Variants in REPS1 observed in about 807,000 individuals in gnomAD.
REPS1 encodes the protein ralBP1-associated Eps domain-containing protein 1.
REPS1 carries 39 observed loss-of-function variants against 100.9 expected under a neutral mutation model. The observed-to-expected ratio is 0.39, with a 90% confidence interval of 0.30 to 0.50. The LOEUF is 0.50. REPS1 is among the 20% of genes least tolerant of loss of function. The pLI is 0.86. For synonymous variants in REPS1, 324 were observed against 340.3 expected, an observed-to-expected ratio of 0.95 and a Z score of 0.53; for missense variants, 821 against 968.5, an observed-to-expected ratio of 0.85 and a Z score of 2.02.
At chr6:138,949,645 G>C (rs1410060168) in intron 1 of REPS1, among the ~76,000 whole-genome samples, 1 of 151,944 alleles carries the variant, frequency 6.6e-6, no homozygotes, top group Non-Finnish European at 1.5e-5. Context: ...AGGATCATTT[G>C]AACTCGGGAG....
rs143173218 is a variant in REPS1, at chr6:138,907,537, G to A, written c.2280C>T (p.Thr760=). 2.9e-5 allele frequency: 46 copies of A among 1,613,170 alleles called. No individual in the cohort carries two copies. The highest frequency in any genetic ancestry group is 3.9e-5 in the Non-Finnish European group (46 of 1,179,586). The change falls in exon 19 of 20, where the codon ACC becomes ACT. Residue 760 remains threonine (T), a synonymous_variant. Transcript: ENST00000450536. ...ATTCGCTATTCAATCTGGCCAAAAC[G>A]GTGTTGGTTTCCTTATTACGTCTAA... is the stretch of plus-strand genomic sequence containing the variant. The part of the protein sequence containing the change: ...ASIRRNKETN[T]VLARLNSELQ...
At position 138,934,312 on chromosome 6, in the gene REPS1, A is replaced by G. The variant is rs1375880415; in HGVS notation, c.1136-4214T>C. 4 of 470,990 alleles carry G rather than the reference A, an allele frequency of 8.5e-6. 1 individual carries two copies. Among genetic ancestry groups the G allele is most frequent in the South Asian group, 6.2e-5 (4 of 64,550 alleles). 29.2% of individuals were successfully genotyped at this position (470,990 alleles called of 1,614,324 possible). ...TGGGTTCTGCTCTGCCCCTGACATC[A>G]TCAGAGCATCAGGGCTGAAAAAGAA... On this transcript the variant is annotated intron_variant, in intron 8 of 19. Transcript: ENST00000450536.
At chr6:138,910,967 A>T (rs1001508512) in intron 17 of REPS1, 2 of 188,160 alleles carry the variant, frequency 1.1e-5, no homozygotes, top group African/African-American at 4.7e-5. Context: ...GAGGGCTGAT[A>T]ATTTTTCTTT....
At chr6:138,927,872 T>C (rs934139796) in intron 9 of REPS1, 22 of 152,214 alleles carry the variant, frequency 1.4e-4, no homozygotes, top group African/African-American at 5.3e-4. Context: ...TCAATAATTA[T>C]TGTTACAGGG....
At chr6:138,954,882 C>T (rs569628594) in intron 1 of REPS1, among the ~76,000 whole-genome samples, 3 of 152,142 alleles carry the variant, frequency 2.0e-5, no homozygotes, top group Non-Finnish European at 4.4e-5. Context: ...CACAAGCACA[C>T]ATAATACATA....
At chr6:138,947,137 C>T (rs1276963444) in intron 2 of REPS1, among the ~76,000 whole-genome samples, 1 of 151,212 alleles carries the variant, frequency 6.6e-6, no homozygotes, top group Non-Finnish European at 1.5e-5. Flanking sequence ...TGTAGGTTTC[C>T]TGTGGCCTCC....
chr6:138,977,655 G>A (rs1232728553), intron 1 of REPS1, among the ~76,000 whole-genome samples: 1 of 152,146 alleles, frequency 6.6e-6, no homozygotes, highest in Admixed American at 6.5e-5. Context: ...ACCATGTGAT[G>A]GATATTTGAA....
intron 10 of REPS1, among the ~76,000 whole-genome samples, chr6:138,923,711 T>C (rs1363217432): frequency 6.6e-6 from 1 of 152,214 alleles, no homozygotes; most frequent in Non-Finnish European, 1.5e-5. Flanking sequence ...ATCAGAACTA[T>C]GAAAGCTTAA....
At chr6:138,976,835 T>C (rs1275929305) in intron 1 of REPS1, among the ~76,000 whole-genome samples, 2 of 152,218 alleles carry the variant, frequency 1.3e-5, no homozygotes, top group Non-Finnish European at 2.9e-5. Context: ...GTAATGTAAA[T>C]ATACTCAGTT....
chr6:138,987,756 AGGGGCT>A lies in REPS1; in HGVS notation c.-80_-75del. 1 of 1,420,882 alleles carries A rather than the reference AGGGGCT, an allele frequency of 7.0e-7. No individual in the cohort carries two copies. The highest frequency in any genetic ancestry group is 3.0e-5 in the Admixed American group (1 of 33,258). 88.0% of individuals were successfully genotyped at this position (1,420,882 alleles called of 1,614,324 possible). A position where few individuals can be genotyped will look rare whatever the true frequency, so the allele number is the denominator to read the frequency against. Reference sequence around the variant, plus strand: ...CCCGGCCCCAGGAACCTGGGCCGGCAGGGGCTGCGCGTGGCCCGGCCTCCTGCTAGC... The same window carrying A: ...CCCGGCCCCAGGAACCTGGGCCGGCAGCGCGTGGCCCGGCCTCCTGCTAGC... On this transcript the variant is annotated 5_prime_UTR_variant, in exon 1 of 20. Coordinates refer to ENST00000450536, the MANE Select transcript of REPS1 (RefSeq NM_001286611.2).
chr6:138,907,319 T>TGTGTGGGTGTGG, intron 19 of REPS1, 176 bp downstream of exon 19: 1 of 371,904 alleles, frequency 2.7e-6, no homozygotes, highest in Non-Finnish European at 4.8e-6. Flanking sequence ...AAAAAGTGTG[T>TGTGTGGGTGTGG]GTGTGTGTGT....
chr6:138,983,387 G>A (rs1294461847), intron 1 of REPS1, among the ~76,000 whole-genome samples: 1 of 152,106 alleles, frequency 6.6e-6, no homozygotes, highest in Non-Finnish European at 1.5e-5. Context: ...CCTGGGAGGT[G>A]GAGGTTGCAG....
At chr6:138,951,378 A>T (rs1482581779) in intron 1 of REPS1, among the ~76,000 whole-genome samples, 6 of 152,152 alleles carry the variant, frequency 3.9e-5, no homozygotes, top group Non-Finnish European at 8.8e-5. Flanking sequence ...TATCAATAAG[A>T]TATAAGAGAT....
chr6:138,951,935 A>T (rs1783063158), intron 1 of REPS1, among the ~76,000 whole-genome samples: 1 of 152,206 alleles, frequency 6.6e-6, no homozygotes, highest in African/African-American at 2.4e-5. Context: ...CTTTTTCTCT[A>T]GCACAGTTAT....
In REPS1 at chr6:138,934,913, T is replaced by C. The variant is rs143101801; in HGVS notation, c.1136-4815A>G. Among the ~76,000 whole-genome samples the C allele has an allele frequency of 4.1e-4, 62 of 152,356 alleles. No homozygotes were observed. The East Asian group carries it at 0.011, about 27-fold the overall frequency. On this transcript the variant is annotated intron_variant, in intron 8 of 19. Transcript: ENST00000450536. ...AAAATGAAAAACAATCGAGTGTTCATGACTTTTACGTCTTCAAGGAAAACT... is the reference window on the plus strand; with the variant it reads ...AAAATGAAAAACAATCGAGTGTTCACGACTTTTACGTCTTCAAGGAAAACT...
chr6:138,948,499 T>A (rs1727019646), intron 1 of REPS1, among the ~76,000 whole-genome samples: 1 of 152,196 alleles, frequency 6.6e-6, no homozygotes, highest in Non-Finnish European at 1.5e-5. Context: ...ACAAACAAAA[T>A]TTGTCTTTTT....
chr6:138,930,203 T>A, intron 8 of REPS1, 105 bp from the exon 9 acceptor site: 2 of 852,420 alleles, frequency 2.3e-6, no homozygotes, highest in Non-Finnish European at 3.6e-6. Context: ...TCATAAGTAG[T>A]AATATATAAT....
intron 8 of REPS1, among the ~76,000 whole-genome samples, chr6:138,936,815 A>G (rs1386173497): frequency 1.3e-5 from 2 of 152,222 alleles, no homozygotes; most frequent in East Asian, 3.8e-4. Context: ...TGTTTTAAAG[A>G]TAAAGCCAGA....
At position 138,986,453 on chromosome 6, in the gene REPS1, A is replaced by G. The variant is rs568970745; in HGVS notation, c.153+1077T>C. Reference sequence around the variant, plus strand: ...GAAGAAACTTGCCTTCATTCTGTGGATGAACATACTTATGCTTGAAAATGG... The same window carrying G: ...GAAGAAACTTGCCTTCATTCTGTGGGTGAACATACTTATGCTTGAAAATGG... On this transcript the variant is annotated intron_variant, in intron 1 of 19. Coordinates refer to ENST00000450536, the MANE Select transcript of REPS1 (RefSeq NM_001286611.2). Among the ~76,000 whole-genome samples, 4 of 152,348 alleles carry G rather than the reference A, an allele frequency of 2.6e-5. 1 individual carries two copies. The highest frequency in any genetic ancestry group is 3.4e-3 in the Middle Eastern group (1 of 294).
Sources: allele counts gnomAD v4.1 joint callset (sites outside exome capture counted in the v4.1 genomes callset), GRCh38; gene constraint gnomAD v4.1.1; transcripts MANE v1.5; gene names NCBI Gene and HGNC (gene_info 2026-07-23, HGNC 2026-07-21).